Variants in PTPRD observed in about 807,000 individuals in gnomAD.
PTPRD encodes protein tyrosine phosphatase receptor type D.
PTPRD carries 34 observed loss-of-function variants against 214.5 expected under a neutral mutation model. The observed-to-expected ratio is 0.16, with a 90% CI of 0.12 to 0.21. The LOEUF (loss-of-function observed/expected upper bound fraction) is 0.21, where lower values mean the gene tolerates loss of function less well. PTPRD is among the 10% of genes least tolerant of loss of function. The pLI, the probability that PTPRD is intolerant of heterozygous loss-of-function variation, is 1.00. For missense variants in PTPRD, 2,545 were observed against 2,398.7 expected, an observed-to-expected ratio of 1.06 and a Z score of -1.27; for synonymous variants, 1,128 against 845.7, an observed-to-expected ratio of 1.33 and a Z score of -5.79.
At chr9:9,386,273 A>T (rs1308727055) in intron 9 of PTPRD, among the ~76,000 whole-genome samples, 1 of 152,112 alleles carries the variant, frequency 6.6e-6, no homozygotes. Flanking sequence ...CTCATGAACC[A>T]CATGGGGATT....
At chr9:8,481,268 C>T (rs2096879661) in intron 30 of PTPRD, among the ~76,000 whole-genome samples, 1 of 149,144 alleles carries the variant, frequency 6.7e-6, no homozygotes, top group Non-Finnish European at 1.5e-5. Context: ...AATAATCTTT[C>T]AGAAATTCTT....
intron 9 of PTPRD, among the ~76,000 whole-genome samples, chr9:9,205,909 C>T (rs562814329): frequency 9.9e-4 from 150 of 152,216 alleles, no homozygotes; most frequent in African/African-American, 3.4e-3. Flanking sequence ...TTCAGTTTGT[C>T]ATTAAGTGAC....
intron 2 of PTPRD, among the ~76,000 whole-genome samples, chr9:10,553,783 T>C (rs2061870096): frequency 6.6e-6 from 1 of 152,220 alleles, no homozygotes; most frequent in Non-Finnish European, 1.5e-5. Flanking sequence ...ATGTTTATAG[T>C]GTTTTAAAAT....
At chr9:9,887,957 A>G (rs1197425422) in intron 5 of PTPRD, among the ~76,000 whole-genome samples, 1 of 152,172 alleles carries the variant, frequency 6.6e-6, no homozygotes, top group African/African-American at 2.4e-5. Flanking sequence ...ATAACAAAAT[A>G]AATTCAGAAA....
intron 14 of PTPRD, among the ~76,000 whole-genome samples, chr9:8,604,235 A>G (rs912678995): frequency 1.3e-5 from 2 of 152,216 alleles, no homozygotes; most frequent in African/African-American, 4.8e-5. Context: ...TTTAAGGTAT[A>G]GTCGAGGAAA....
chr9:9,858,469 G>T (rs1334270341), intron 5 of PTPRD, among the ~76,000 whole-genome samples: 1 of 152,140 alleles, frequency 6.6e-6, no homozygotes, highest in East Asian at 1.9e-4. Context: ...TATCGATGAA[G>T]AATGACAAAC....
chr9:8,627,297 A>G (rs1012050878), intron 14 of PTPRD, among the ~76,000 whole-genome samples: 6 of 151,794 alleles, frequency 4.0e-5, no homozygotes, highest in African/African-American at 7.3e-5. Flanking sequence ...AGCAGGGATC[A>G]CTTCAGACTT....
rs565798775 is a variant in PTPRD, at chr9:8,470,897, C to A, written c.3504+98G>T. 4 of 1,038,190 alleles carry A rather than the reference C, an allele frequency of 3.9e-6. No individual in the cohort carries two copies. The Admixed American group carries it at 5.2e-5, about 14-fold the overall frequency. 64.3% of individuals were successfully genotyped at this position (1,038,190 alleles called of 1,614,324 possible). A position where few individuals can be genotyped will look rare whatever the true frequency, so the allele number is the denominator to read the frequency against. ...AACCAGCTAGGTATGGAGAAGCCAGCACCCAGATTAGATCCTGAAAGGCCT... is the reference window on the plus strand; with the variant it reads ...AACCAGCTAGGTATGGAGAAGCCAGAACCCAGATTAGATCCTGAAAGGCCT... On this transcript the variant is annotated intron_variant, in intron 31 of 45. Coordinates refer to ENST00000381196, the MANE Select transcript of PTPRD (RefSeq NM_002839.4).
At chr9:8,657,699 A>T (rs1290008934) in intron 12 of PTPRD, among the ~76,000 whole-genome samples, 1 of 152,078 alleles carries the variant, frequency 6.6e-6, no homozygotes, top group Non-Finnish European at 1.5e-5. Context: ...TTCATCATGA[A>T]ATCTTTGCCC....
At chr9:9,449,734 C>A (rs183189657) in intron 8 of PTPRD, among the ~76,000 whole-genome samples, 2,102 of 151,146 alleles carry the variant, frequency 0.014, 38 homozygotes, top group African/African-American at 0.048. Flanking sequence ...AGCAGTCATT[C>A]TTTTTTTTTA....
intron 5 of PTPRD, among the ~76,000 whole-genome samples, chr9:9,896,643 A>G (rs1197784539): frequency 1.3e-5 from 2 of 152,090 alleles, no homozygotes; most frequent in Non-Finnish European, 2.9e-5. Flanking sequence ...CGAGGAATTC[A>G]TATTTAAGAG....
intron 10 of PTPRD, among the ~76,000 whole-genome samples, chr9:9,136,511 C>A (rs567712615): frequency 5.9e-5 from 9 of 152,096 alleles, no homozygotes; most frequent in African/African-American, 2.2e-4. Context: ...ATAATCACTA[C>A]TTAGATTCTA....
At chr9:8,669,922 G>A (rs376231846) in intron 12 of PTPRD, among the ~76,000 whole-genome samples, 15 of 152,272 alleles carry the variant, frequency 9.9e-5, no homozygotes, top group African/African-American at 3.6e-4. Flanking sequence ...GCAAGTCCCT[G>A]TGAAATGATG....
chr9:8,476,846 C>G (rs56291732), intron 30 of PTPRD, among the ~76,000 whole-genome samples: 1 of 152,166 alleles, frequency 6.6e-6, no homozygotes, highest in Admixed American at 6.5e-5. Flanking sequence ...TTTGGCGGTT[C>G]TTCTCCATCA....
chr9:10,174,790 A>C (rs1021703141), intron 3 of PTPRD, among the ~76,000 whole-genome samples: 7 of 152,108 alleles, frequency 4.6e-5, no homozygotes, highest in African/African-American at 1.7e-4. Context: ...ATTAAGAACT[A>C]ATAATAAAAA....
chr9:8,446,584 AGAC>A (rs1327271354), intron 34 of PTPRD, among the ~76,000 whole-genome samples: 1 of 152,210 alleles, frequency 6.6e-6, no homozygotes, highest in African/African-American at 2.4e-5. Context: ...TTTCATTGAA[AGAC>A]ATTTTTTGAA....
At chr9:8,826,533 C>T (rs980713293) in intron 11 of PTPRD, among the ~76,000 whole-genome samples, 2 of 152,156 alleles carry the variant, frequency 1.3e-5, no homozygotes, top group East Asian at 1.9e-4. Context: ...ATCCTTCATA[C>T]GTGCTGATAC....
chr9:8,819,753 A>T (rs2097007401), intron 11 of PTPRD, among the ~76,000 whole-genome samples: 1 of 152,184 alleles, frequency 6.6e-6, no homozygotes, highest in Admixed American at 6.5e-5. Flanking sequence ...ATTGTTAGTT[A>T]AAGTCAGATT....
chr9:10,260,465 A>G (rs1214670967), intron 3 of PTPRD, among the ~76,000 whole-genome samples: 1 of 152,174 alleles, frequency 6.6e-6, no homozygotes, highest in Non-Finnish European at 1.5e-5. Context: ...GGGTCTTCCA[A>G]GTCAACATTT....
Sources: gnomAD v4.1 joint callset for allele counts (sites outside exome capture counted in the v4.1 genomes callset) on GRCh38, gnomAD v4.1.1 for gene constraint, MANE v1.5 for transcripts, NCBI Gene and HGNC (gene_info 2026-07-23, HGNC 2026-07-21) for gene names.